Variants in HTT observed in about 807,000 individuals in gnomAD.
HTT encodes huntington disease protein.
In HTT, 104 loss-of-function variants were observed where a neutral mutation model predicts 362.3. That is an observed-to-expected ratio of 0.29 (90% CI 0.24 to 0.34). HTT has a LOEUF of 0.34. Among genes scored for constraint, HTT ranks in the 10% least tolerant of loss-of-function variants. HTT has a pLI of 1.00. For synonymous variants in HTT, 1,577 were observed against 1,548.7 expected (o/e 1.02, Z -0.43); for missense variants, 3,301 against 3,928.6 (o/e 0.84, Z 4.27).
At chr4:3,215,290 G>C in intron 51 of HTT, 79 bp downstream of exon 51, 1 of 1,068,746 alleles carries the variant, frequency 9.4e-7, no homozygotes, top group Non-Finnish European at 1.4e-6. Flanking sequence ...GTGCACCGCG[G>C]TGAGTGTGGA....
At chr4:3,239,696 A>T in intron 66 of HTT, 150 bp from the exon 67 acceptor site, 1 of 626,248 alleles carries the variant, frequency 1.6e-6, no homozygotes. Flanking sequence ...ATGCAGCTGG[A>T]GGCATCCAGG....
intron 25 of HTT, 61 bp downstream of exon 25, chr4:3,147,009 A>G (rs532815869): frequency 2.2e-5 from 34 of 1,536,666 alleles, no homozygotes; most frequent in Middle Eastern, 1.7e-4. Flanking sequence ...CTTAGGGGGA[A>G]TGGGGGTGGT....
At chr4:3,191,340 A>G (rs1370395325) in intron 40 of HTT, among the ~76,000 whole-genome samples, 1 of 151,666 alleles carries the variant, frequency 6.6e-6, no homozygotes, top group Non-Finnish European at 1.5e-5. Context: ...CGCCTGGCTA[A>G]TTTTTTGTAT....
rs1721739198 is a variant in HTT, at chr4:3,240,095, G to A, written c.*36G>A. On this transcript the variant is annotated 3_prime_UTR_variant, in exon 67 of 67. Coordinates refer to ENST00000355072, the MANE Select transcript of HTT (RefSeq NM_001388492.1). ...GGGAGAGACTGTGAGGCGGCAGCTG[G>A]GGCCGGAGCCTTTGGAAGTCTGCGC... 8 of 1,526,850 alleles carry A rather than the reference G, an allele frequency of 5.2e-6. No homozygotes were observed. The highest frequency in any genetic ancestry group is 2.1e-4 in the Middle Eastern group (1 of 4,720). 94.6% of individuals were successfully genotyped at this position (1,526,850 alleles called of 1,614,324 possible). A position where few individuals can be genotyped will look rare whatever the true frequency, so the allele number is the denominator to read the frequency against.
In HTT at chr4:3,225,750, C is replaced by G. The variant is rs1379231032; in HGVS notation, c.7848+7C>G. 1 of 1,610,594 alleles carries G rather than the reference C, an allele frequency of 6.2e-7. No individual in the cohort carries two copies. The highest frequency in any genetic ancestry group is 8.5e-7 in the Non-Finnish European group (1 of 1,178,090). On this transcript the variant is annotated splice_region_variant and intron_variant, in intron 57 of 66. Transcript: ENST00000355072. ...GAGCTACAAACTCGGCCAGGTCAGT[C>G]TCGCGCCCCCGCCGCCTGGCCTCTG...
intron 1 of HTT, among the ~76,000 whole-genome samples, chr4:3,076,583 C>T (rs985949835): frequency 1.3e-5 from 2 of 152,184 alleles, no homozygotes; most frequent in African/African-American, 4.8e-5. Flanking sequence ...TAAGTAATTT[C>T]TCATCCAGAA....
intron 55 of HTT, 122 bp from the exon 56 acceptor site, chr4:3,223,870 G>A: frequency 1.0e-6 from 1 of 995,970 alleles, no homozygotes. Context: ...CACTTAGGAA[G>A]TGAGTTTCAT....
intron 39 of HTT, 121 bp from the exon 40 acceptor site, chr4:3,188,830 G>A (rs568337201): frequency 1.8e-5 from 17 of 936,878 alleles, no homozygotes; most frequent in African/African-American, 6.7e-5. Context: ...TCACTTTAGC[G>A]GTTAATGTAC....
At chr4:3,094,954 A>G (rs1027149475) in intron 2 of HTT, among the ~76,000 whole-genome samples, 1 of 150,194 alleles carries the variant, frequency 6.7e-6, no homozygotes, top group Non-Finnish European at 1.5e-5. Flanking sequence ...GGTGCTCCCC[A>G]CTTCCCAGAC....
chr4:3,181,515 C>A (rs1199900602), intron 36 of HTT, among the ~76,000 whole-genome samples: 3 of 152,088 alleles, frequency 2.0e-5, no homozygotes, highest in Non-Finnish European at 2.9e-5. Flanking sequence ...TTTTAAATGA[C>A]TTCTCCTTTC....
At position 3,212,653 on chromosome 4, in the gene HTT, C is replaced by T. The variant is rs763976827; in HGVS notation, c.6718C>T (p.His2240Tyr). The T allele has an allele frequency of 3.1e-6, 5 of 1,614,238 alleles. No homozygotes were observed. The highest frequency in any genetic ancestry group is 1.7e-5 in the Admixed American group (1 of 60,028). The part of the protein sequence containing the change: ...VVVSKLPSHL[H>Y]LPPEKEKDIV... Reference sequence around the variant, plus strand: ...GGTCTCCAAACTGCCCAGTCATTTGCACCTTCCTCCTGAGAAAGAGAAGGA... The same window carrying T: ...GGTCTCCAAACTGCCCAGTCATTTGTACCTTCCTCCTGAGAAAGAGAAGGA... The change falls in exon 49 of 67, where the codon CAC becomes TAC. Residue 2240 changes from histidine to tyrosine, a missense_variant. Physicochemically the swap from His to Tyr is moderately conservative, Grantham distance 83 (BLOSUM62 2). Transcript: ENST00000355072.
At chr4:3,225,799 G>T in intron 57 of HTT, 56 bp downstream of exon 57, 1 of 1,320,806 alleles carries the variant, frequency 7.6e-7, no homozygotes, top group Non-Finnish European at 1.1e-6. Flanking sequence ...TCAGACTTTG[G>T]CGCTTGACAC....
rs1719732979 is a variant in HTT at position 3,204,168 on chromosome 4, A to G, written c.5718+20A>G. The G allele has an allele frequency of 7.4e-6, 12 of 1,613,908 alleles. No individual in the cohort carries two copies. The highest frequency in any genetic ancestry group is 1.0e-5 in the Non-Finnish European group (12 of 1,179,796). On this transcript the variant is annotated intron_variant, in intron 42 of 66. Transcript: ENST00000355072. ...TATGTCGTAAGTTTGAAATGCCTGT[A>G]AACGGGGTTGAGGGAGGTGGGGACC...
At chr4:3,135,458 T>C (rs537832290) in intron 19 of HTT, among the ~76,000 whole-genome samples, 155 of 150,588 alleles carry the variant, frequency 1.0e-3, no homozygotes, top group African/African-American at 3.7e-3. Context: ...TTTTTTTTTT[T>C]CCAAGCCACC....
intron 9 of HTT, 112 bp from the exon 10 acceptor site, chr4:3,122,777 A>G: frequency 2.5e-6 from 2 of 786,882 alleles, no homozygotes; most frequent in Non-Finnish European, 4.2e-6. Flanking sequence ...CTGTGGAAAA[A>G]CGTTCACATT....
Position 3,206,555 on chromosome 4 carries a change from T to C in HTT, c.5778T>C (p.Asp1926=), listed in dbSNP as rs757855800. ...GGCTCATTGTAAATCACATTCAAGA[T>C]CTGATCAGCCTTTCCCACGAGCCTC... ...LTWLIVNHIQ[D]LISLSHEPPV... is the part of the protein sequence containing the mutation. The change falls in exon 43 of 67, where the codon GAT becomes GAC. Residue 1926 remains aspartate, a synonymous_variant. Coordinates refer to ENST00000355072, the MANE Select transcript of HTT (RefSeq NM_001388492.1). The surrounding 1 kb of genome is among the most constrained non-coding windows in gnomAD (Gnocchi z 4.6). 1.2e-6 allele frequency: 2 copies of C among 1,614,126 alleles called. No individual in the cohort carries two copies. Among genetic ancestry groups the C allele is most frequent in the Non-Finnish European group, 1.7e-6 (2 of 1,180,004 alleles).
At chr4:3,208,953 A>G in intron 46 of HTT, 42 bp downstream of exon 46, 1 of 1,575,020 alleles carries the variant, frequency 6.3e-7, no homozygotes, top group Non-Finnish European at 8.6e-7. Context: ...CAGGGCGCTG[A>G]GTGCCTCTGT....
chr4:3,178,586 G>GT, intron 35 of HTT, 140 bp downstream of exon 35: 1 of 698,732 alleles, frequency 1.4e-6, no homozygotes, highest in East Asian at 2.5e-5. Context: ...GTATGTGAAG[G>GT]TACTGGTTAG....
intron 1 of HTT, among the ~76,000 whole-genome samples, chr4:3,077,049 G>A (rs561363086): frequency 2.2e-4 from 33 of 152,054 alleles, no homozygotes; most frequent in African/African-American, 7.2e-4. Context: ...ATGGTGGCAC[G>A]TGCCTGTAAT....
Sources: allele counts gnomAD v4.1 joint callset (sites outside exome capture counted in the v4.1 genomes callset), GRCh38; gene constraint gnomAD v4.1.1; non-coding constraint Gnocchi (gnomAD v3.1); transcripts MANE v1.5; gene names NCBI Gene and HGNC (gene_info 2026-07-23, HGNC 2026-07-21).